Variants in SLC30A9 observed in about 807,000 individuals in gnomAD.
SLC30A9 encodes the protein proton-coupled zinc antiporter SLC30A9, mitochondrial.
Under a neutral mutation model 87.5 loss-of-function variants are expected in SLC30A9, and 58 were observed. The observed-to-expected ratio is 0.66, with a 90% CI of 0.54 to 0.82. SLC30A9 has a LOEUF of 0.82. SLC30A9 is among the 40% of genes least tolerant of loss of function. The pLI is 0.00. For missense variants in SLC30A9, 557 were observed against 679.1 expected, an observed-to-expected ratio of 0.82 and a Z score of 2.00; for synonymous variants, 234 against 233.0, an observed-to-expected ratio of 1.00 and a Z score of -0.04.
chr4:42,075,564 GA>G, intron 15 of SLC30A9, 92 bp from the exon 16 acceptor site: 4 of 1,201,886 alleles, frequency 3.3e-6, no homozygotes, highest in South Asian at 1.4e-5. Context: ...AACTAGTGGG[GA>G]AAAAAACAAT....
intron 2 of SLC30A9, 29 bp from the exon 3 acceptor site, chr4:42,018,082 A>C: frequency 7.8e-7 from 1 of 1,288,880 alleles, no homozygotes; most frequent in Non-Finnish European, 1.1e-6. Flanking sequence ...CAGTTGTTTA[A>C]TGTAAACTTC....
Position 42,082,318 on chromosome 4 carries a change from G to A in SLC30A9, c.1663-3764G>A, listed in dbSNP as rs950756582. 3.9e-5 allele frequency among the ~76,000 whole-genome samples: 6 copies of A among 152,160 alleles called. No homozygotes were observed. The South Asian group carries it at 1.0e-3, about 26-fold the overall frequency. On this transcript the variant is annotated intron_variant, in intron 17 of 17. Transcript: ENST00000264451. ...CATAGTTGAGGTGCCAAACCAAAAG[G>A]GAATGCATGAATGTAATTGTTTTTC...
intron 6 of SLC30A9, among the ~76,000 whole-genome samples, chr4:42,030,421 C>A (rs1716376240): frequency 2.0e-5 from 3 of 152,042 alleles, no homozygotes; most frequent in African/African-American, 7.2e-5. Flanking sequence ...GTTTCTGGCC[C>A]CTAAGTATTG....
chr4:42,028,457 T>C (rs1332279285), intron 6 of SLC30A9, among the ~76,000 whole-genome samples: 1 of 152,252 alleles, frequency 6.6e-6, no homozygotes, highest in Non-Finnish European at 1.5e-5. Context: ...AAAATACTAA[T>C]TCAGTAAACC....
rs763371146 is a variant in SLC30A9, at chr4:42,049,538, C to G, written c.840+59C>G. The G allele has an allele frequency of 6.7e-6, 6 of 893,416 alleles. No individual in the cohort carries two copies. The East Asian group carries it at 1.1e-4, about 16-fold the overall frequency. 55.3% of individuals were successfully genotyped at this position (893,416 alleles called of 1,614,324 possible). ...TAAAGTAATAGTTGTAGGCTTTAAT[C>G]TAAAAGTTGATCTATTTTAAAACTG... On this transcript the variant is annotated intron_variant, in intron 9 of 17. Coordinates refer to ENST00000264451, the MANE Select transcript of SLC30A9 (RefSeq NM_006345.4).
intron 1 of SLC30A9, among the ~76,000 whole-genome samples, chr4:41,997,157 C>T (rs968105748): frequency 1.3e-5 from 1 of 76,342 alleles, no homozygotes; most frequent in Non-Finnish European, 3.8e-5. Context: ...TGTTTCCTAA[C>T]TCAAAAAAAA....
chr4:42,074,938 T>C (rs2153140906), intron 15 of SLC30A9, among the ~76,000 whole-genome samples: 1 of 147,838 alleles, frequency 6.8e-6, no homozygotes, highest in African/African-American at 2.5e-5. Context: ...TATATGGCAT[T>C]TAGGAAATTG....
At chr4:42,013,597 A>G (rs902030090) in intron 2 of SLC30A9, among the ~76,000 whole-genome samples, 1 of 152,232 alleles carries the variant, frequency 6.6e-6, no homozygotes, top group African/African-American at 2.4e-5. Flanking sequence ...CCATAGATAT[A>G]CAGTGAGCTC....
chr4:42,083,973 T>C (rs1476980073), intron 17 of SLC30A9, among the ~76,000 whole-genome samples: 1 of 152,154 alleles, frequency 6.6e-6, no homozygotes, highest in Non-Finnish European at 1.5e-5. Flanking sequence ...CTCAGTAGAG[T>C]GTTCTTGCTG....
At chr4:42,003,981 C>G (rs1715090778) in intron 2 of SLC30A9, among the ~76,000 whole-genome samples, 1 of 152,184 alleles carries the variant, frequency 6.6e-6, no homozygotes, top group Non-Finnish European at 1.5e-5. Flanking sequence ...TCTGCTCTTT[C>G]TCTGCTATAA....
rs571584800 is a variant in SLC30A9, at chr4:42,057,878, C to T, written c.841-2313C>T. On this transcript the variant is annotated intron_variant, in intron 9 of 17. Coordinates refer to ENST00000264451, the MANE Select transcript of SLC30A9 (RefSeq NM_006345.4). ...CAGCACTTTGGGAGGCTGAGGCGGG[C>T]GGATCACGAGGTGAAGAAATCGAGA... 1.6e-4 allele frequency among the ~76,000 whole-genome samples: 24 copies of T among 151,856 alleles called. 1 individual carries two copies. The highest frequency in any genetic ancestry group is 5.1e-4 in the African/African-American group (21 of 41,422).
At chr4:42,061,672 T>C (rs4604086) in intron 10 of SLC30A9, among the ~76,000 whole-genome samples, 101,047 of 149,938 alleles carry the variant, frequency 0.67, 37,342 homozygotes, top group East Asian at 0.96. Context: ...CTGAGGCAGG[T>C]GGATCACCTA....
intron 2 of SLC30A9, among the ~76,000 whole-genome samples, chr4:42,012,097 C>T (rs1222281716): frequency 6.6e-6 from 1 of 152,106 alleles, no homozygotes; most frequent in Non-Finnish European, 1.5e-5. Flanking sequence ...CAGGACTTCT[C>T]AGATCAGAAA....
At chr4:42,012,761 C>A (rs1407536260) in intron 2 of SLC30A9, among the ~76,000 whole-genome samples, 1 of 151,684 alleles carries the variant, frequency 6.6e-6, no homozygotes, top group African/African-American at 2.4e-5. Context: ...ACTAAACAAC[C>A]CCTCCACATT....
At chr4:42,012,111 G>T (rs1715469871) in intron 2 of SLC30A9, among the ~76,000 whole-genome samples, 1 of 152,122 alleles carries the variant, frequency 6.6e-6, no homozygotes, top group South Asian at 2.1e-4. Flanking sequence ...TCAGAAATAT[G>T]TTTTGAGTAC....
intron 9 of SLC30A9, among the ~76,000 whole-genome samples, chr4:42,053,695 CAAAAAAAAAAAAAAAAAAAA>C (rs56190460): frequency 1.8e-5 from 1 of 55,922 alleles, no homozygotes; most frequent in Non-Finnish European, 2.9e-5. Context: ...ACTCGGTCTC[CAAAAAAAAAAAAAAAAAAAA>C]AAAAAAAAAG....
chr4:42,083,946 A>G (rs1718828822), intron 17 of SLC30A9, among the ~76,000 whole-genome samples: 1 of 152,178 alleles, frequency 6.6e-6, no homozygotes, highest in Non-Finnish European at 1.5e-5. Context: ...TAGTTATAAG[A>G]AAAATCCCTG....
At chr4:42,000,771 T>G (rs1281986630) in intron 1 of SLC30A9, among the ~76,000 whole-genome samples, 1 of 152,020 alleles carries the variant, frequency 6.6e-6, no homozygotes, top group Non-Finnish European at 1.5e-5. Flanking sequence ...CTTACAAAAG[T>G]TTCAACTCTT....
At chr4:42,074,423 G>A (rs1373532611) in intron 15 of SLC30A9, among the ~76,000 whole-genome samples, 1 of 152,166 alleles carries the variant, frequency 6.6e-6, no homozygotes, top group Non-Finnish European at 1.5e-5. Context: ...ATCTTACAGT[G>A]ATCACTGTAG....
Sources: allele counts gnomAD v4.1 joint callset (sites outside exome capture counted in the v4.1 genomes callset), GRCh38; gene constraint gnomAD v4.1.1; transcripts MANE v1.5; gene names NCBI Gene and HGNC (gene_info 2026-07-23, HGNC 2026-07-21).